Variants in MAPK10 observed in about 807,000 individuals in gnomAD.
The protein encoded by MAPK10 is mitogen-activated protein kinase 10, also known as JNK3 alpha protein kinase.
In MAPK10, 25 loss-of-function variants were observed where a neutral mutation model predicts 59.3. The ratio of observed to expected loss-of-function variants is 0.42; its 90% CI spans 0.31 to 0.59. MAPK10 has a LOEUF of 0.59. Among genes scored for constraint, MAPK10 ranks in the 20% least tolerant of loss-of-function variants. The pLI is 0.15. For missense variants in MAPK10, 351 were observed against 568.9 expected (o/e 0.62, Z 3.90); for synonymous variants, 190 against 200.5 (o/e 0.95, Z 0.44).
intron 9 of MAPK10, among the ~76,000 whole-genome samples, chr4:86,093,158 C>T (rs953879279): frequency 1.3e-5 from 2 of 151,924 alleles, no homozygotes; most frequent in Non-Finnish European, 2.9e-5. Context: ...TTGCTACTTC[C>T]ACACTCCATC....
At chr4:86,067,287 GT>G (rs2148993581) in intron 10 of MAPK10, among the ~76,000 whole-genome samples, 1 of 152,244 alleles carries the variant, frequency 6.6e-6, no homozygotes, top group African/African-American at 2.4e-5. Context: ...GACTAGAGGT[GT>G]GTGCCACCAT....
chr4:86,223,661 C>T (rs1170185504), intron 2 of MAPK10, among the ~76,000 whole-genome samples: 3 of 152,142 alleles, frequency 2.0e-5, no homozygotes, highest in Admixed American at 6.5e-5. Flanking sequence ...CAAATCTCAC[C>T]CCTCCCTCTT....
chr4:86,238,510 C>G (rs2092460082), intron 2 of MAPK10, among the ~76,000 whole-genome samples: 1 of 152,172 alleles, frequency 6.6e-6, no homozygotes, highest in African/African-American at 2.4e-5. Context: ...TTTGTTTCCT[C>G]TCTTATTTCC....
chr4:86,184,269 T>C (rs1301917532), intron 3 of MAPK10, among the ~76,000 whole-genome samples: 3 of 152,100 alleles, frequency 2.0e-5, no homozygotes, highest in South Asian at 2.1e-4. Context: ...TTTTTATGGT[T>C]TTATGTCGGT....
At chr4:86,286,778 G>T (rs140547237) in intron 2 of MAPK10, among the ~76,000 whole-genome samples, 2 of 152,268 alleles carry the variant, frequency 1.3e-5, no homozygotes, top group Non-Finnish European at 2.9e-5. Context: ...CATCTCTGGA[G>T]CTTGAACACA....
chr4:86,556,381 T>C (rs76737470), intron 1 of MAPK10, among the ~76,000 whole-genome samples: 1 of 150,976 alleles, frequency 6.6e-6, no homozygotes, highest in Non-Finnish European at 1.5e-5. Flanking sequence ...AAATGCTTTA[T>C]TTTTTTTACA....
intron 4 of MAPK10, among the ~76,000 whole-genome samples, chr4:86,116,333 G>A (rs191482946): frequency 1.6e-4 from 25 of 152,254 alleles, no homozygotes; most frequent in African/African-American, 5.8e-4. Flanking sequence ...GGGCTGATTC[G>A]ATCCTCTACA....
intron 1 of MAPK10, among the ~76,000 whole-genome samples, chr4:86,490,667 C>G (rs1033050370): frequency 2.6e-5 from 4 of 152,322 alleles, no homozygotes; most frequent in Middle Eastern, 3.4e-3. Context: ...TGGTACCTTC[C>G]TTCTAATTCA....
chr4:86,029,757 C>G (rs2038509409), intron 12 of MAPK10, among the ~76,000 whole-genome samples: 1 of 151,976 alleles, frequency 6.6e-6, no homozygotes, highest in African/African-American at 2.4e-5. Flanking sequence ...GAAATGCACA[C>G]ATTCTCATGA....
At chr4:86,307,034 G>A (rs897084154) in intron 2 of MAPK10, among the ~76,000 whole-genome samples, 6 of 152,138 alleles carry the variant, frequency 3.9e-5, no homozygotes, top group Admixed American at 1.3e-4. Context: ...AGCATAAGAA[G>A]AGCCAGATGA....
chr4:86,429,167 A>T (rs1747701786), intron 1 of MAPK10, among the ~76,000 whole-genome samples: 1 of 152,122 alleles, frequency 6.6e-6, no homozygotes, highest in Admixed American at 6.6e-5. Context: ...AGCACAATTG[A>T]ACACATAATT....
chr4:86,179,810 A>C lies in MAPK10; in HGVS notation c.66+14526T>G, dbSNP rs561441697. Among the ~76,000 whole-genome samples, 29 of 152,220 alleles carry C rather than the reference A, an allele frequency of 1.9e-4. 1 individual carries two copies. The South Asian group carries it at 6.0e-3, about 32-fold the overall frequency. On this transcript the variant is annotated intron_variant, in intron 3 of 13. Coordinates refer to ENST00000641462, the MANE Select transcript of MAPK10 (RefSeq NM_138982.4). ...TCCATATGAAGAAGAATGAAACTAT[A>C]TCTCTCACAATAAACAAAATACAAC...
Position 86,017,514 on chromosome 4 carries a change from T to C in MAPK10, c.1253-144A>G, listed in dbSNP as rs2148889706. 2.6e-6 allele frequency: 2 copies of C among 763,120 alleles called. No homozygotes were observed. The highest frequency in any genetic ancestry group is 2.6e-5 in the East Asian group (1 of 39,016). The allele number at this position is 763,120 out of a possible 1,614,324, so 47.3% of individuals were successfully genotyped here. On this transcript the variant is annotated intron_variant, in intron 13 of 13. Coordinates refer to ENST00000641462, the MANE Select transcript of MAPK10 (RefSeq NM_138982.4). The surrounding 1 kb of genome is among the most constrained non-coding windows in gnomAD (Gnocchi z 4.4). ...GCAAGCCTTTATAGAGCAGCTGACA[T>C]AGGGGAGCATATCAAATGGTGACAA...
At chr4:86,521,761 G>T (rs946217239) in intron 1 of MAPK10, among the ~76,000 whole-genome samples, 1 of 152,052 alleles carries the variant, frequency 6.6e-6, no homozygotes, top group African/African-American at 2.4e-5. Context: ...AGGCTTTGCT[G>T]CTTCCTGCCT....
intron 2 of MAPK10, among the ~76,000 whole-genome samples, chr4:86,210,200 C>T (rs2085388920): frequency 1.3e-5 from 2 of 151,946 alleles, no homozygotes; most frequent in Admixed American, 6.6e-5. Context: ...GGAAACTCTC[C>T]AGGACATTCA....
chr4:86,542,408 C>T (rs941016242), intron 1 of MAPK10: 1 of 152,264 alleles, frequency 6.6e-6, no homozygotes, highest in African/African-American at 2.4e-5. Flanking sequence ...TTATCTGTAA[C>T]ATGAAGGCTT....
chr4:86,152,956 A>C (rs2066842671), intron 4 of MAPK10, among the ~76,000 whole-genome samples: 1 of 152,176 alleles, frequency 6.6e-6, no homozygotes, highest in African/African-American at 2.4e-5. Context: ...TCCAAGATGC[A>C]CTGGATGGTG....
intron 1 of MAPK10, among the ~76,000 whole-genome samples, chr4:86,443,271 G>A (rs1042445281): frequency 1.3e-5 from 2 of 152,022 alleles, no homozygotes; most frequent in Non-Finnish European, 2.9e-5. Flanking sequence ...TTCCAGCTGG[G>A]AGAGGTGAAA....
At chr4:86,211,427 A>G (rs918269815) in intron 2 of MAPK10, among the ~76,000 whole-genome samples, 1 of 152,096 alleles carries the variant, frequency 6.6e-6, no homozygotes, top group African/African-American at 2.4e-5. Context: ...GTGGGCTAAT[A>G]TATTCAAAGT....
Sources: gnomAD v4.1 joint callset for allele counts (sites outside exome capture counted in the v4.1 genomes callset) on GRCh38, gnomAD v4.1.1 for gene constraint, Gnocchi (gnomAD v3.1) non-coding constraint, MANE v1.5 for transcripts, NCBI Gene and HGNC (gene_info 2026-07-23, HGNC 2026-07-21) for gene names.